MAGI1: variants seen among roughly 807,000 people sequenced by gnomAD.
The protein encoded by MAGI1 is membrane associated guanylate kinase, WW and PDZ domain containing 1, also known as membrane-associated guanylate kinase, WW and PDZ domain-containing protein 1.
Under a neutral mutation model 139.9 loss-of-function variants are expected in MAGI1, and 58 were observed. The ratio of observed to expected loss-of-function variants is 0.41; its 90% CI spans 0.34 to 0.52. The LOEUF (loss-of-function observed/expected upper bound fraction) is 0.52, where lower values mean the gene tolerates loss of function less well. Among genes scored for constraint, MAGI1 ranks in the 20% least tolerant of loss-of-function variants. MAGI1 has a pLI of 0.12. For synonymous variants in MAGI1, 812 were observed against 737.9 expected, an observed-to-expected ratio of 1.10 and a Z score of -1.63; for missense variants, 1,874 against 1,901.6, an observed-to-expected ratio of 0.99 and a Z score of 0.27.
chr3:65,880,336 T>A (rs1364768686), intron 1 of MAGI1, among the ~76,000 whole-genome samples: 1 of 152,176 alleles, frequency 6.6e-6, no homozygotes, highest in Admixed American at 6.5e-5. Flanking sequence ...CTGGCAGTGA[T>A]GGCTGCTGTC....
chr3:65,579,073 A>T (rs542028006), intron 2 of MAGI1, among the ~76,000 whole-genome samples: 1 of 152,280 alleles, frequency 6.6e-6, no homozygotes, highest in Admixed American at 6.5e-5. Flanking sequence ...CTCCCAAAGC[A>T]GAAAGAAGAT....
chr3:65,378,988 C>T (rs1397787805), intron 17 of MAGI1, among the ~76,000 whole-genome samples: 1 of 152,128 alleles, frequency 6.6e-6, no homozygotes, highest in South Asian at 2.1e-4. Flanking sequence ...GGCTGCTATT[C>T]AAATTTCACG....
At chr3:65,782,020 T>C (rs1559877119) in intron 1 of MAGI1, among the ~76,000 whole-genome samples, 1 of 152,234 alleles carries the variant, frequency 6.6e-6, no homozygotes, top group Non-Finnish European at 1.5e-5. Context: ...ATGCATTTCA[T>C]GTCCATTTAT....
At chr3:65,384,433 T>C (rs1455590031) in intron 14 of MAGI1, among the ~76,000 whole-genome samples, 2 of 152,228 alleles carry the variant, frequency 1.3e-5, no homozygotes, top group East Asian at 1.9e-4. Flanking sequence ...ATAAGTAATG[T>C]AGAGATGATT....
intron 1 of MAGI1, among the ~76,000 whole-genome samples, chr3:65,916,079 T>TC (rs902110392): frequency 2.4e-4 from 36 of 150,902 alleles, no homozygotes; most frequent in African/African-American, 8.0e-4. Context: ...TTCTTTTCTT[T>TC]TTTTTGAGAC....
At chr3:65,405,780 AGACGGG>A (rs1945285090) in intron 12 of MAGI1, among the ~76,000 whole-genome samples, 4 of 152,052 alleles carry the variant, frequency 2.6e-5, no homozygotes, top group African/African-American at 7.2e-5. Flanking sequence ...TTTTTAGTAG[AGACGGG>A]GTTTCACCAT....
In MAGI1 at chr3:65,371,853, C is replaced by T. The variant is rs149397480; in HGVS notation, c.3196+3892G>A. ...CTGTTCAAGTTTTATCATGAGATTA[C>T]GGCAATTAAGTCACATCTTCCGGCT... On this transcript the variant is annotated intron_variant, in intron 18 of 22. Transcript: ENST00000402939. The T allele has an allele frequency of 3.1e-3, 1,315 of 422,720 alleles. 19 individuals carry two copies. The highest frequency in any genetic ancestry group is 0.024 in the African/African-American group (1,170 of 48,970). The allele number at this position is 422,720 out of a possible 1,614,324, so 26.2% of individuals were successfully genotyped here. A position where few individuals can be genotyped will look rare whatever the true frequency, so the allele number is the denominator to read the frequency against.
intron 1 of MAGI1, among the ~76,000 whole-genome samples, chr3:65,692,713 T>C (rs2088788008): frequency 1.3e-5 from 2 of 152,108 alleles, no homozygotes; most frequent in African/African-American, 4.8e-5. Flanking sequence ...CATGAATGAA[T>C]GAATGCATGG....
intron 1 of MAGI1, among the ~76,000 whole-genome samples, chr3:65,740,369 C>T (rs1200171989): frequency 6.6e-6 from 1 of 152,118 alleles, no homozygotes; most frequent in Non-Finnish European, 1.5e-5. Context: ...CCCATTGTAC[C>T]ACTGCAAAAA....
At chr3:65,667,664 T>G (rs937500512) in intron 1 of MAGI1, among the ~76,000 whole-genome samples, 1 of 152,162 alleles carries the variant, frequency 6.6e-6, no homozygotes, top group African/African-American at 2.4e-5. Context: ...CTCAACCTCC[T>G]GGGCTCAAGT....
At position 65,890,314 on chromosome 3, in the gene MAGI1, G is replaced by C. The variant is rs571570104; in HGVS notation, c.313+147682C>G. ...CAGGAGGCGGAGCTTGCAGTGAGCA[G>C]AGATAGCGCCACTGCACTTCAGCCT... On this transcript the variant is annotated intron_variant, in intron 1 of 22. Transcript: ENST00000402939. Among the ~76,000 whole-genome samples, 239 of 152,296 alleles carry C rather than the reference G, an allele frequency of 1.6e-3. 1 individual carries two copies. The highest frequency in any genetic ancestry group is 5.3e-3 in the African/African-American group (221 of 41,576).
At chr3:65,443,615 A>C (rs762250037) in intron 7 of MAGI1, among the ~76,000 whole-genome samples, 3 of 152,224 alleles carry the variant, frequency 2.0e-5, no homozygotes, top group Non-Finnish European at 4.4e-5. Context: ...TCTGAACAAG[A>C]ATCTGTTGTG....
At chr3:65,773,253 T>G (rs1401744651) in intron 1 of MAGI1, among the ~76,000 whole-genome samples, 2 of 151,664 alleles carry the variant, frequency 1.3e-5, no homozygotes, top group Non-Finnish European at 2.9e-5. Context: ...GAGTAGGGGG[T>G]CGGGCACCAT....
chr3:65,859,190 G>GGGCATGGT lies in MAGI1; in HGVS notation c.313+178798_313+178805dup, dbSNP rs541994914. On this transcript the variant is annotated intron_variant, in intron 1 of 22. Transcript: ENST00000402939. ...TCTACTAAAAATACAAAAACTAGCTGGGCATGGTGGCGCATGCCTGTAATC... is the reference window on the plus strand; with the variant it reads ...TCTACTAAAAATACAAAAACTAGCTGGGCATGGTGGCATGGTGGCGCATGCCTGTAATC... 1.3e-3 allele frequency among the ~76,000 whole-genome samples: 196 copies of GGGCATGGT among 152,100 alleles called. 2 individuals are homozygous for GGGCATGGT. Among genetic ancestry groups the GGGCATGGT allele is most frequent in the African/African-American group, 4.2e-3 (175 of 41,490 alleles).
chr3:65,853,657 G>A (rs1344502238), intron 1 of MAGI1, among the ~76,000 whole-genome samples: 1 of 152,138 alleles, frequency 6.6e-6, no homozygotes, highest in Non-Finnish European at 1.5e-5. Flanking sequence ...TCCAAAAAAG[G>A]GCAGCTGAAT....
chr3:65,581,191 A>G (rs748372307), intron 2 of MAGI1, among the ~76,000 whole-genome samples: 1 of 152,154 alleles, frequency 6.6e-6, no homozygotes, highest in Non-Finnish European at 1.5e-5. Flanking sequence ...ATATCCAAAG[A>G]GCATCCAGAA....
At chr3:65,474,500 C>G (rs1950744343) in intron 4 of MAGI1, among the ~76,000 whole-genome samples, 1 of 152,136 alleles carries the variant, frequency 6.6e-6, no homozygotes, top group Non-Finnish European at 1.5e-5. Flanking sequence ...GATTGCTTCT[C>G]TCTCAAGATT....
At position 65,717,269 on chromosome 3, in the gene MAGI1, C is replaced by A. The variant is rs185168659; in HGVS notation, c.314-95181G>T. On this transcript the variant is annotated intron_variant, in intron 1 of 22. Coordinates refer to ENST00000402939, the MANE Select transcript of MAGI1 (RefSeq NM_001033057.2). ...TCAACCAGTGGTTCTCAACTGGGAA[C>A]AGTTTTGTCCCTTAGGAAACATGTG... Among the ~76,000 whole-genome samples, 156 of 152,268 alleles carry A rather than the reference C, an allele frequency of 1.0e-3. 2 individuals carry two copies. The highest frequency in any genetic ancestry group is 3.6e-3 in the African/African-American group (150 of 41,562).
chr3:65,802,786 C>A (rs72894128), intron 1 of MAGI1, among the ~76,000 whole-genome samples: 1 of 151,564 alleles, frequency 6.6e-6, no homozygotes, highest in Non-Finnish European at 1.5e-5. Flanking sequence ...AATGCCTAAC[C>A]ATTTTCCTTC....
Sources: gnomAD v4.1 joint callset for allele counts (sites outside exome capture counted in the v4.1 genomes callset) on GRCh38, gnomAD v4.1.1 for gene constraint, MANE v1.5 for transcripts, NCBI Gene and HGNC (gene_info 2026-07-23, HGNC 2026-07-21) for gene names.